Variants in NUDT7 observed in about 807,000 individuals in gnomAD.
NUDT7 encodes the protein peroxisomal coenzyme A diphosphatase NUDT7.
NUDT7 carries 19 observed loss-of-function variants against 13.1 expected under a neutral mutation model. The ratio of observed to expected loss-of-function variants is 1.45; its 90% CI spans 1.01 to 2.13. The LOEUF (loss-of-function observed/expected upper bound fraction) is 2.13. Among genes scored for constraint, NUDT7 ranks in the 30% most tolerant of loss-of-function variants. NUDT7 has a pLI of 0.00. For synonymous variants in NUDT7, 132 were observed against 109.7 expected (o/e 1.20, Z -1.27); for missense variants, 360 against 291.7 (o/e 1.23, Z -1.71).
intron 2 of NUDT7, among the ~76,000 whole-genome samples, chr16:77,726,311 A>C (rs990897559): frequency 2.0e-5 from 3 of 152,210 alleles, no homozygotes; most frequent in African/African-American, 4.8e-5. Flanking sequence ...TAACAAATGT[A>C]AAGCACCTAT....
Position 77,736,034 on chromosome 16 carries a change from G to A in NUDT7, c.348+48G>A, listed in dbSNP as rs757274050. On this transcript the variant is annotated intron_variant, in intron 3 of 3. Transcript: ENST00000268533. Reference sequence around the variant, plus strand: ...ATGAGCACCGTCCCCACCCCCAGGTGGATCTACTGTTCTCAGGATTCCACA... The same window carrying A: ...ATGAGCACCGTCCCCACCCCCAGGTAGATCTACTGTTCTCAGGATTCCACA... The A allele has an allele frequency of 6.4e-6, 10 of 1,553,836 alleles. No homozygotes were observed. In the South Asian group the frequency reaches 6.7e-5, roughly 10 times the overall value.
rs186094153 is a variant in NUDT7 at position 77,726,402 on chromosome 16, C to G, written c.189+818C>G. ...TGTCAAGTGACCTGTCAGACATGAC[C>G]TGAAGTTTTAAGATAAATGATGTCA... is the stretch of plus-strand genomic sequence containing the variant. On this transcript the variant is annotated intron_variant, in intron 2 of 3. Transcript: ENST00000268533. Among the ~76,000 whole-genome samples the G allele has an allele frequency of 2.8e-3, 427 of 152,274 alleles. 9 individuals are homozygous for G. Among genetic ancestry groups the G allele is most frequent in the East Asian group, 5.8e-4 (3 of 5,184 alleles).
rs1333509623 is a variant in NUDT7, at chr16:77,725,563, G to A, written c.168G>A (p.Leu56=). The change falls in exon 2 of 4, where the codon TTG becomes TTA. Residue 56 remains leucine, a synonymous_variant. Coordinates refer to ENST00000268533, the MANE Select transcript of NUDT7 (RefSeq NM_001105663.3). The stretch of plus-strand genomic sequence containing the variant: ...CTAAAGAAGGAAAACTCCATTTGTT[G>A]TTCACCGTCCGGTCAGAGAAGGTAG... ...LVAKEGKLHL[L]FTVRSEKLRR... 7 of 1,613,892 alleles carry A rather than the reference G, an allele frequency of 4.3e-6. No homozygotes were observed. Among genetic ancestry groups the A allele is most frequent in the Admixed American group, 3.3e-5 (2 of 59,972 alleles).
intron 2 of NUDT7, among the ~76,000 whole-genome samples, chr16:77,731,798 A>G (rs2014326712): frequency 6.6e-6 from 1 of 152,112 alleles, no homozygotes; most frequent in Non-Finnish European, 1.5e-5. Context: ...AGACAGTGAT[A>G]TTGATTATTC....
chr16:77,723,874 G>C (rs1659002900), intron 1 of NUDT7, among the ~76,000 whole-genome samples: 1 of 152,156 alleles, frequency 6.6e-6, no homozygotes, highest in Admixed American at 6.5e-5. Context: ...TTACAGGCAT[G>C]AGCCACTGTA....
At chr16:77,722,713 G>C in intron 1 of NUDT7, 96 bp downstream of exon 1, 1 of 1,223,720 alleles carries the variant, frequency 8.2e-7, no homozygotes, top group Non-Finnish European at 1.2e-6. Context: ...GACTGATTTT[G>C]CAGCTCCCGC....
chr16:77,728,908 C>A (rs918755630), intron 2 of NUDT7, among the ~76,000 whole-genome samples: 1 of 151,354 alleles, frequency 6.6e-6, no homozygotes, highest in Non-Finnish European at 1.5e-5. Context: ...TCCCCCACAC[C>A]CTTGACCTCG....
chr16:77,727,445 G>A (rs2014172706), intron 2 of NUDT7, among the ~76,000 whole-genome samples: 1 of 152,216 alleles, frequency 6.6e-6, no homozygotes, highest in South Asian at 2.1e-4. Context: ...GTGAACTCAG[G>A]ACATGATAGA....
intron 3 of NUDT7, among the ~76,000 whole-genome samples, chr16:77,738,734 G>A (rs1320436484): frequency 6.6e-6 from 1 of 152,136 alleles, no homozygotes; most frequent in Non-Finnish European, 1.5e-5. Flanking sequence ...ACCTATGTAT[G>A]TACCCGCTAC....
intron 3 of NUDT7, among the ~76,000 whole-genome samples, chr16:77,738,566 G>T (rs758149115): frequency 7.9e-5 from 12 of 152,134 alleles, no homozygotes; most frequent in Non-Finnish European, 1.5e-4. Context: ...GGGGAATTTG[G>T]TAATGTCTGG....
chr16:77,726,559 G>A (rs1286264928), intron 2 of NUDT7, among the ~76,000 whole-genome samples: 1 of 152,136 alleles, frequency 6.6e-6, no homozygotes, highest in East Asian at 1.9e-4. Flanking sequence ...CACTTTGAGA[G>A]GCCAAGGTGG....
rs746477344 is a variant in NUDT7 at position 77,722,542 on chromosome 16, G to C, written c.-41G>C. Reference sequence around the variant, plus strand: ...CTGCGCAAGCGCGACCGACCGAGCAGCTCCGAGGAGTCCGCCCGGAAACAA... The same window carrying C: ...CTGCGCAAGCGCGACCGACCGAGCACCTCCGAGGAGTCCGCCCGGAAACAA... On this transcript the variant is annotated 5_prime_UTR_variant, in exon 1 of 4. Coordinates refer to ENST00000268533, the MANE Select transcript of NUDT7 (RefSeq NM_001105663.3). 4.5e-5 allele frequency: 70 copies of C among 1,558,146 alleles called. No homozygotes were observed. The East Asian group carries it at 1.6e-3, about 35-fold the overall frequency.
intron 2 of NUDT7, 150 bp from the exon 3 acceptor site, chr16:77,735,678 A>G: frequency 1.4e-6 from 1 of 727,908 alleles, no homozygotes; most frequent in Non-Finnish European, 2.3e-6. Context: ...ATTCAAGAAA[A>G]CACATTTGTG....
At chr16:77,736,921 A>C (rs1159898773) in intron 3 of NUDT7, among the ~76,000 whole-genome samples, 1 of 152,206 alleles carries the variant, frequency 6.6e-6, no homozygotes, top group Non-Finnish European at 1.5e-5. Flanking sequence ...TTAATTTCAG[A>C]ATAGCTGTAG....
At chr16:77,737,022 A>G (rs1229652869) in intron 3 of NUDT7, among the ~76,000 whole-genome samples, 2 of 151,214 alleles carry the variant, frequency 1.3e-5, no homozygotes, top group Non-Finnish European at 2.9e-5. Context: ...AAACTAGACC[A>G]TAGGAAACTA....
At chr16:77,725,998 A>G (rs920556466) in intron 2 of NUDT7, among the ~76,000 whole-genome samples, 21 of 152,200 alleles carry the variant, frequency 1.4e-4, no homozygotes, top group African/African-American at 4.8e-4. Context: ...AGTAGCACAC[A>G]CACCACAAAT....
intron 1 of NUDT7, 91 bp downstream of exon 1, chr16:77,722,708 A>G: frequency 3.1e-6 from 4 of 1,289,372 alleles, no homozygotes; most frequent in Non-Finnish European, 4.4e-6. Flanking sequence ...GCCGGGACTG[A>G]TTTTGCAGCT....
At chr16:77,727,877 A>AAG (rs2014188614) in intron 2 of NUDT7, among the ~76,000 whole-genome samples, 1 of 128,434 alleles carries the variant, frequency 7.8e-6, no homozygotes, top group Non-Finnish European at 1.6e-5. Context: ...AAATAAATAA[A>AAG]AATAAATAAA....
rs778023757 is a variant in NUDT7 at position 77,741,904 on chromosome 16, A to G, written c.671A>G (p.Glu224Gly). Residue 224 changes from glutamate to glycine, a missense_variant, in exon 4 of 4, where the codon GAA (glutamate) becomes GGA (glycine). By Grantham distance (98) the Glu-to-Gly change is moderately conservative. Coordinates refer to ENST00000268533, the MANE Select transcript of NUDT7 (RefSeq NM_001105663.3). ...FNLNDVLASS[E>G]ELFLKVHKKA... ...CTTAATGATGTATTAGCATCCTCTG[A>G]AGAGTTATTCCTGAAGGTTCATAAA... 6.2e-7 allele frequency: 1 copy of G among 1,612,704 alleles called. No homozygotes were observed. The highest frequency in any genetic ancestry group is 1.1e-5 in the South Asian group (1 of 90,746).
Sources: gnomAD v4.1 joint callset for allele counts (sites outside exome capture counted in the v4.1 genomes callset) on GRCh38, gnomAD v4.1.1 for gene constraint, MANE v1.5 for transcripts, NCBI Gene and HGNC (gene_info 2026-07-23, HGNC 2026-07-21) for gene names.